Variants in ATAD2 observed in about 807,000 individuals in gnomAD.
ATAD2 encodes ATPase family AAA domain-containing protein 2.
ATAD2 carries 62 observed loss-of-function variants against 168.9 expected under a neutral mutation model. That is an observed-to-expected ratio of 0.37 (90% CI 0.30 to 0.45). ATAD2 has a LOEUF of 0.45. Ranked by LOEUF, ATAD2 falls within the 20% of genes least tolerant of loss-of-function variation. ATAD2 has a pLI of 1.00. For synonymous variants in ATAD2, 613 were observed against 571.6 expected (o/e 1.07, Z -1.03); for missense variants, 1,419 against 1,667.8 (o/e 0.85, Z 2.60).
chr8:123,391,088 A>G (rs550315074), intron 1 of ATAD2, among the ~76,000 whole-genome samples: 1 of 152,126 alleles, frequency 6.6e-6, no homozygotes, highest in African/African-American at 2.4e-5. Context: ...CCTACTATCC[A>G]TCCTTAAGTG....
intron 8 of ATAD2, among the ~76,000 whole-genome samples, chr8:123,362,355 T>C (rs1010877884): frequency 2.0e-5 from 3 of 151,750 alleles, no homozygotes. Context: ...TTTTCAATAT[T>C]ACACTATACA....
chr8:123,378,987 A>G (rs529084226), intron 2 of ATAD2, among the ~76,000 whole-genome samples: 1 of 151,942 alleles, frequency 6.6e-6, no homozygotes, highest in East Asian at 1.9e-4. Context: ...TTGTAGAGAG[A>G]GGGTCTCGTT....
At chr8:123,411,411 G>A (rs1813155250) in intron 1 of ATAD2, among the ~76,000 whole-genome samples, 2 of 152,088 alleles carry the variant, frequency 1.3e-5, no homozygotes, top group South Asian at 4.1e-4. Flanking sequence ...CTCCCCAACA[G>A]CACTTGGGTT....
intron 24 of ATAD2, among the ~76,000 whole-genome samples, chr8:123,330,253 G>A (rs555291836): frequency 5.9e-5 from 9 of 152,050 alleles, no homozygotes; most frequent in African/African-American, 1.9e-4. Context: ...GCCTCCCAAA[G>A]TGCTGGGATT....
intron 11 of ATAD2, among the ~76,000 whole-genome samples, chr8:123,358,794 C>T (rs1348066952): frequency 6.8e-6 from 1 of 147,830 alleles, no homozygotes; most frequent in Non-Finnish European, 1.5e-5. Context: ...TGCGGTGGCC[C>T]AATCTCAGCT....
rs141862358 is a variant in ATAD2, at chr8:123,323,711, T to A, written c.4003-645A>T. ...CAATGTATGGGACCAATAATTTAGA[T>A]CAGCAAGTTAAAAACTGCAATTTAA... On this transcript the variant is annotated intron_variant, in intron 26 of 27. Transcript: ENST00000287394. Among the ~76,000 whole-genome samples the A allele has an allele frequency of 2.0e-5, 3 of 152,288 alleles. No individual in the cohort carries two copies. The East Asian group carries it at 5.8e-4, about 29-fold the overall frequency.
rs1359873052 is a variant in ATAD2 at position 123,357,627 on chromosome 8, C to T, written c.1492G>A (p.Gly498Ser). ...ACCCATTTACTTAGACAATCAGCAC[C>T]TTTCCTCATGAAAAATGCTACTCTT... ...DKRVAFFMRK[G>S]ADCLSKWVGE... The change falls in exon 12 of 28, where the codon GGT becomes AGT. Residue 498 changes from glycine (G) to serine (S), a missense_variant. Coordinates refer to ENST00000287394, the MANE Select transcript of ATAD2 (RefSeq NM_014109.4). 1 of 1,614,084 alleles carries T rather than the reference C, an allele frequency of 6.2e-7. No individual in the cohort carries two copies. The highest frequency in any genetic ancestry group is 1.3e-5 in the African/African-American group (1 of 75,066).
Position 123,371,791 on chromosome 8 carries a change from C to T in ATAD2, c.415G>A (p.Val139Ile), listed in dbSNP as rs763753239. The T allele has an allele frequency of 1.2e-5, 19 of 1,611,678 alleles. No individual in the cohort carries two copies. The highest frequency in any genetic ancestry group is 6.6e-5 in the South Asian group (6 of 90,538). ...TCATGTAAGTGTTCTGTACTTTGAA[C>T]GATGTTTCTAGCCCTCAATGACCGA... ...VTRSLRARNI[V>I]QSTEHLHEDN... The change falls in exon 4 of 28, where the codon GTT (valine) becomes ATT (isoleucine). Residue 139 changes from valine (V) to isoleucine (I), a missense_variant. Coordinates refer to ENST00000287394, the MANE Select transcript of ATAD2 (RefSeq NM_014109.4).
chr8:123,391,487 A>G (rs1325921578), intron 1 of ATAD2, among the ~76,000 whole-genome samples: 178 of 13,682 alleles, frequency 0.013, 1 homozygote, highest in East Asian at 0.023. Flanking sequence ...GAAGTTTTGA[A>G]AAAAAAAAAA....
chr8:123,369,680 G>T (rs1829080075), intron 7 of ATAD2, 141 bp downstream of exon 7: 5 of 679,676 alleles, frequency 7.4e-6, no homozygotes, highest in African/African-American at 1.8e-5. Context: ...ACAAACTTAG[G>T]ATAGGTAAAG....
intron 2 of ATAD2, among the ~76,000 whole-genome samples, chr8:123,373,941 C>CGA (rs1255163656): frequency 6.6e-6 from 1 of 152,064 alleles, no homozygotes; most frequent in Non-Finnish European, 1.5e-5. Flanking sequence ...TGTGGAATTT[C>CGA]AAATATTACA....
Position 123,321,006 on chromosome 8 carries a change from A to G in ATAD2, c.*128T>C. On this transcript the variant is annotated 3_prime_UTR_variant, in exon 28 of 28. Coordinates refer to ENST00000287394, the MANE Select transcript of ATAD2 (RefSeq NM_014109.4). Reference sequence around the variant, plus strand: ...ACATAAATATCAGGAAAGTTTAAATACTTTTATTTTACTATTTTAATCTTT... The same window carrying G: ...ACATAAATATCAGGAAAGTTTAAATGCTTTTATTTTACTATTTTAATCTTT... 1 of 794,624 alleles carries G rather than the reference A, an allele frequency of 1.3e-6. No homozygotes were observed. Among genetic ancestry groups the G allele is most frequent in the Non-Finnish European group, 2.0e-6 (1 of 492,030 alleles). 49.2% of individuals were successfully genotyped at this position (794,624 alleles called of 1,614,324 possible). A position where few individuals can be genotyped will look rare whatever the true frequency, so the allele number is the denominator to read the frequency against.
At chr8:123,384,248 T>C (rs1829580961) in intron 1 of ATAD2, among the ~76,000 whole-genome samples, 1 of 152,094 alleles carries the variant, frequency 6.6e-6, no homozygotes, top group African/African-American at 2.4e-5. Context: ...ACTTTTGATG[T>C]ATAACAAAAA....
Position 123,347,424 on chromosome 8 carries a change from G to C in ATAD2, c.1898-18C>G. The C allele has an allele frequency of 6.5e-7, 1 of 1,550,170 alleles. No homozygotes were observed. Among genetic ancestry groups the C allele is most frequent in the South Asian group, 1.2e-5 (1 of 81,188 alleles). ...ACAGTATCCTATCCAAAGCAACCAGGGGAAGAAAAGAACCAGCCGACCAAA... is the reference window on the plus strand; with the variant it reads ...ACAGTATCCTATCCAAAGCAACCAGCGGAAGAAAAGAACCAGCCGACCAAA... On this transcript the variant is annotated intron_variant, in intron 15 of 27. Transcript: ENST00000287394.
chr8:123,379,031 G>A lies in ATAD2; in HGVS notation c.320+1498C>T, dbSNP rs562104944. ...CAGGCTGGTATCAAACTCCCCGACC[G>A]AAGTGATCCTTCTGCCTTGGCCTCC... is the stretch of plus-strand genomic sequence containing the variant. On this transcript the variant is annotated intron_variant, in intron 2 of 27. Transcript: ENST00000287394. 5.3e-5 allele frequency among the ~76,000 whole-genome samples: 8 copies of A among 151,772 alleles called. 1 individual carries two copies. Among genetic ancestry groups the A allele is most frequent in the Non-Finnish European group, 1.0e-4 (7 of 67,970 alleles).
intron 26 of ATAD2, among the ~76,000 whole-genome samples, chr8:123,324,356 TATA>T (rs1176200050): frequency 6.6e-6 from 1 of 152,222 alleles, no homozygotes; most frequent in Non-Finnish European, 1.5e-5. Flanking sequence ...CTGATAAACA[TATA>T]ATGTTTTCAG....
At chr8:123,350,722 GCTTT>G (rs1828424179) in intron 13 of ATAD2, among the ~76,000 whole-genome samples, 1 of 151,600 alleles carries the variant, frequency 6.6e-6, no homozygotes, top group Non-Finnish European at 1.5e-5. Context: ...AGATCTAGAA[GCTTT>G]TTTTTTCTTT....
intron 19 of ATAD2, among the ~76,000 whole-genome samples, chr8:123,341,228 G>GA (rs1164822375): frequency 2.6e-5 from 4 of 151,798 alleles, no homozygotes; most frequent in Admixed American, 2.6e-4. Flanking sequence ...ATTATCCTAA[G>GA]AAAAAAAGTA....
chr8:123,338,560 A>G (rs1827982560), intron 20 of ATAD2, among the ~76,000 whole-genome samples: 1 of 152,220 alleles, frequency 6.6e-6, no homozygotes. Flanking sequence ...AAGGATTATT[A>G]GAGTCCTGCC....
Sources: allele counts gnomAD v4.1 joint callset (sites outside exome capture counted in the v4.1 genomes callset), GRCh38; gene constraint gnomAD v4.1.1; transcripts MANE v1.5; gene names NCBI Gene and HGNC (gene_info 2026-07-23, HGNC 2026-07-21).